Variants in NELL2 observed in about 807,000 individuals in gnomAD.
NELL2 encodes neural EGFL like 2, also known as protein kinase C-binding protein NELL2.
Under a neutral mutation model 109.6 loss-of-function variants are expected in NELL2, and 41 were observed. That is an observed-to-expected ratio of 0.37 (90% CI 0.29 to 0.49). The LOEUF is 0.49. Among genes scored for constraint, NELL2 ranks in the 20% least tolerant of loss-of-function variants. The pLI is 0.98. For synonymous variants in NELL2, 355 were observed against 344.7 expected, an observed-to-expected ratio of 1.03 and a Z score of -0.33; for missense variants, 900 against 1,008.3, an observed-to-expected ratio of 0.89 and a Z score of 1.45.
intron 9 of NELL2, among the ~76,000 whole-genome samples, chr12:44,731,989 T>A (rs1365169274): frequency 1.3e-5 from 2 of 151,876 alleles, no homozygotes; most frequent in African/African-American, 4.8e-5. Flanking sequence ...GCATCAATAA[T>A]AATAAAATAC....
intron 17 of NELL2, among the ~76,000 whole-genome samples, 170 bp from the exon 18 acceptor site, chr12:44,522,346 GA>G (rs1941579493): frequency 6.6e-6 from 1 of 151,950 alleles, no homozygotes; most frequent in Non-Finnish European, 1.5e-5. Context: ...CTAACACAAA[GA>G]AATTACCTAA....
At position 44,522,231 on chromosome 12, in the gene NELL2, G is replaced by T. The variant is rs916617675; in HGVS notation, c.1999-55C>A. 3.5e-6 allele frequency: 5 copies of T among 1,416,638 alleles called. No homozygotes were observed. The Admixed American group carries it at 5.5e-5, about 16-fold the overall frequency. 87.8% of individuals were successfully genotyped at this position (1,416,638 alleles called of 1,614,324 possible). ...AAAAACCTCCATTTCTCAGTAACAC[G>T]CACACACACACACGCACACACATTT... On this transcript the variant is annotated intron_variant, in intron 17 of 19. Coordinates refer to ENST00000429094, the MANE Select transcript of NELL2 (RefSeq NM_001145108.2).
At chr12:44,540,799 G>T (rs865853465) in intron 15 of NELL2, among the ~76,000 whole-genome samples, 3 of 21,140 alleles carry the variant, frequency 1.4e-4, no homozygotes, top group East Asian at 3.3e-3. Flanking sequence ...AAAAAAAAAA[G>T]CCCATCCTCA....
At chr12:44,729,253 A>G (rs73285405) in intron 9 of NELL2, among the ~76,000 whole-genome samples, 11,416 of 152,146 alleles carry the variant, frequency 0.075, 1,386 homozygotes, top group African/African-American at 0.26. Context: ...GTAAATAGGT[A>G]TATGGAAATA....
intron 1 of NELL2, among the ~76,000 whole-genome samples, chr12:44,897,617 A>C (rs2710420): frequency 0.035 from 5,305 of 152,262 alleles, 202 homozygotes; most frequent in African/African-American, 0.086. Context: ...AAGGTCTTCA[A>C]AACTGGCAGA....
At chr12:44,713,703 T>C (rs1938338891) in intron 10 of NELL2, among the ~76,000 whole-genome samples, 1 of 151,856 alleles carries the variant, frequency 6.6e-6, no homozygotes, top group African/African-American at 2.4e-5. Context: ...TTGCATCTCC[T>C]CCTTGCTTAT....
Position 44,799,762 on chromosome 12 carries a change from T to G in NELL2, c.335+16224A>C, listed in dbSNP as rs148945339. 9.1e-4 allele frequency among the ~76,000 whole-genome samples: 138 copies of G among 152,248 alleles called. 1 individual carries two copies. The highest frequency in any genetic ancestry group is 3.1e-3 in the African/African-American group (127 of 41,556). On this transcript the variant is annotated intron_variant, in intron 3 of 19. Coordinates refer to ENST00000429094, the MANE Select transcript of NELL2 (RefSeq NM_001145108.2). ...AGCTAAGTTATGAAACACATTTTAT[T>G]CCAAGGCATTTATTAACTGGGGTGT... is the stretch of plus-strand genomic sequence containing the variant.
chr12:44,573,530 T>C (rs137991083), intron 15 of NELL2, among the ~76,000 whole-genome samples: 21 of 152,074 alleles, frequency 1.4e-4, no homozygotes, highest in Non-Finnish European at 2.8e-4. Flanking sequence ...CACTAATAAA[T>C]AGAAAATCAC....
At chr12:44,700,766 G>A (rs1732348019) in intron 12 of NELL2, among the ~76,000 whole-genome samples, 1 of 152,072 alleles carries the variant, frequency 6.6e-6, no homozygotes, top group South Asian at 2.1e-4. Flanking sequence ...GAAATGGCAT[G>A]TTAATTATCT....
intron 2 of NELL2, among the ~76,000 whole-genome samples, chr12:44,826,331 T>C (rs1273082724): frequency 6.6e-6 from 1 of 152,198 alleles, no homozygotes; most frequent in Non-Finnish European, 1.5e-5. Flanking sequence ...TCAAAACTCA[T>C]GAGATTATCA....
At chr12:44,853,468 C>T (rs574620989) in intron 2 of NELL2, among the ~76,000 whole-genome samples, 8 of 152,234 alleles carry the variant, frequency 5.3e-5, no homozygotes, top group Admixed American at 6.5e-5. Flanking sequence ...ACATTTTAAA[C>T]ATTTCTCCCC....
chr12:44,747,417 T>A (rs7980032), intron 9 of NELL2, among the ~76,000 whole-genome samples: 8,098 of 152,034 alleles, frequency 0.053, 677 homozygotes, highest in African/African-American at 0.18. Flanking sequence ...ACCTGCACGT[T>A]GTGCACATGT....
chr12:44,600,664 C>T (rs1355729616), intron 15 of NELL2, among the ~76,000 whole-genome samples: 1 of 152,186 alleles, frequency 6.6e-6, no homozygotes, highest in African/African-American at 2.4e-5. Context: ...CTATTGACAC[C>T]CAGACTTTTA....
At chr12:44,573,533 A>G (rs996805651) in intron 15 of NELL2, among the ~76,000 whole-genome samples, 4 of 152,252 alleles carry the variant, frequency 2.6e-5, no homozygotes, top group Non-Finnish European at 5.9e-5. Context: ...TAATAAATAG[A>G]AAATCACAGG....
At chr12:44,592,220 T>C (rs2136226850) in intron 15 of NELL2, among the ~76,000 whole-genome samples, 1 of 152,348 alleles carries the variant, frequency 6.6e-6, no homozygotes, top group East Asian at 1.9e-4. Flanking sequence ...ATAAAGTTGC[T>C]ATTATGATTT....
At chr12:44,827,138 A>G (rs1406222816) in intron 2 of NELL2, among the ~76,000 whole-genome samples, 1 of 152,084 alleles carries the variant, frequency 6.6e-6, no homozygotes, top group African/African-American at 2.4e-5. Context: ...CAAACCCACA[A>G]TTTTGTAACT....
chr12:44,824,923 G>A (rs1024435272), intron 2 of NELL2, among the ~76,000 whole-genome samples: 1 of 151,806 alleles, frequency 6.6e-6, no homozygotes, highest in African/African-American at 2.4e-5. Context: ...TGTTAGCCAG[G>A]ATGGTCTCAA....
chr12:44,682,976 G>A (rs1236499781), intron 12 of NELL2, among the ~76,000 whole-genome samples: 2 of 152,132 alleles, frequency 1.3e-5, no homozygotes, highest in African/African-American at 2.4e-5. Flanking sequence ...GTAGTTTGAT[G>A]GGGATGACAT....
chr12:44,890,014 T>C (rs1945516006), intron 1 of NELL2, among the ~76,000 whole-genome samples: 1 of 152,208 alleles, frequency 6.6e-6, no homozygotes, highest in South Asian at 2.1e-4. Flanking sequence ...GATAAGCTTA[T>C]GTTAGTATCT....
Sources: allele counts gnomAD v4.1 joint callset (sites outside exome capture counted in the v4.1 genomes callset), GRCh38; gene constraint gnomAD v4.1.1; transcripts MANE v1.5; gene names NCBI Gene and HGNC (gene_info 2026-07-23, HGNC 2026-07-21).